Variants in PEX5 observed in about 807,000 individuals in gnomAD.
PEX5 encodes peroxisomal biogenesis factor 5.
Under a neutral mutation model 82.9 loss-of-function variants are expected in PEX5, and 52 were observed. The ratio of observed to expected loss-of-function variants is 0.63; its 90% CI spans 0.50 to 0.79. The LOEUF is 0.79. Among genes scored for constraint, PEX5 ranks in the 30% least tolerant of loss-of-function variants. The pLI is 0.00. For synonymous variants in PEX5, 300 were observed against 318.8 expected, an observed-to-expected ratio of 0.94 and a Z score of 0.63; for missense variants, 719 against 815.2, an observed-to-expected ratio of 0.88 and a Z score of 1.44.
At chr12:7,198,957 T>C in intron 5 of PEX5, 54 bp from the exon 6 acceptor site, 1 of 998,394 alleles carries the variant, frequency 1.0e-6, no homozygotes, top group Non-Finnish European at 1.6e-6. Context: ...TCCCTTTCCT[T>C]GATCCCACAC....
downstream of PEX5, among the ~76,000 whole-genome samples, chr12:7,212,387 G>A (rs987468959): frequency 6.9e-6 from 1 of 145,018 alleles, no homozygotes; most frequent in African/African-American, 2.6e-5. Flanking sequence ...GCCTCCCAAA[G>A]TTCTGGGATC....
intron 1 of PEX5, 192 bp downstream of exon 1, chr12:7,189,942 C>T: frequency 6.7e-7 from 1 of 1,486,920 alleles, no homozygotes; most frequent in Non-Finnish European, 8.8e-7. Flanking sequence ...GAATGCTCCT[C>T]TGCCGTGCTC....
In PEX5 at chr12:7,209,822, T is replaced by TCAAC. The variant is rs1460904812; in HGVS notation, c.1702_1705dup (p.Leu569GlnfsTer28). The TCAAC allele has an allele frequency of 6.2e-7, 1 of 1,614,220 alleles. No homozygotes were observed. The highest frequency in any genetic ancestry group is 1.7e-5 in the Admixed American group (1 of 60,026). Reference sequence around the variant, plus strand: ...CGCTATAACCTGGGCATCAGCTGCATCAACCTCGGGGCTCACCGGTGAGAG... The same window carrying TCAAC: ...CGCTATAACCTGGGCATCAGCTGCATCAACCAACCTCGGGGCTCACCGGTGAGAG... On this transcript the variant is annotated frameshift_variant, in exon 15 of 16. Transcript: ENST00000675855. LOFTEE classifies it high-confidence loss of function.
chr12:7,200,759 G>A (rs926193424), intron 6 of PEX5, among the ~76,000 whole-genome samples: 12 of 151,958 alleles, frequency 7.9e-5, no homozygotes, highest in Non-Finnish European at 1.5e-4. Context: ...GCATGGCGGC[G>A]CGTGCCTGCA....
intron 5 of PEX5, among the ~76,000 whole-genome samples, chr12:7,192,013 G>A (rs1941235769): frequency 6.6e-6 from 1 of 152,202 alleles, no homozygotes; most frequent in South Asian, 2.1e-4. Flanking sequence ...CCGAGGAAGA[G>A]AGTATTCACT....
chr12:7,201,968 A>G (rs898693482), intron 7 of PEX5, 127 bp downstream of exon 7: 10 of 781,854 alleles, frequency 1.3e-5, no homozygotes, highest in South Asian at 1.5e-5. Context: ...GTTCCTGTCT[A>G]TAGAACAGAG....
In PEX5 at chr12:7,191,104, G is replaced by A; in HGVS notation, c.184-122G>A. 3 of 1,228,266 alleles carry A rather than the reference G, an allele frequency of 2.4e-6. No individual in the cohort carries two copies. In the South Asian group the frequency reaches 3.6e-5, roughly 15 times the overall value. The allele number at this position is 1,228,266 out of a possible 1,614,324, so 76.1% of individuals were successfully genotyped here. On this transcript the variant is annotated intron_variant, in intron 3 of 15. Coordinates refer to ENST00000675855, the MANE Select transcript of PEX5 (RefSeq NM_001351132.2). ...ATGGAAAGACAGTTTCTCTTTATGT[G>A]TCTCCAGTTTCTGTGTTTTCCTTTC... is the stretch of plus-strand genomic sequence containing the variant.
intron 14 of PEX5, 22 bp from the exon 15 acceptor site, chr12:7,209,661 C>G (rs752408298): frequency 8.9e-7 from 1 of 1,125,102 alleles, no homozygotes; most frequent in Non-Finnish European, 1.1e-6. Flanking sequence ...CTGTTCCCAT[C>G]CGTTCTGCAT....
At chr12:7,193,276 C>T (rs1009806358) in intron 5 of PEX5, among the ~76,000 whole-genome samples, 1 of 148,534 alleles carries the variant, frequency 6.7e-6, no homozygotes, top group Non-Finnish European at 1.5e-5. Flanking sequence ...TGCTCTCACC[C>T]AGGGTGGAGT....
At chr12:7,191,065 G>A (rs750152079) in intron 3 of PEX5, 142 bp downstream of exon 3, 6 of 1,193,574 alleles carry the variant, frequency 5.0e-6, no homozygotes, top group South Asian at 4.9e-5. Flanking sequence ...GTATTTTTTC[G>A]TCCTTCTAAA....
In PEX5 at chr12:7,211,155, A is replaced by T. The variant is rs1329909340; in HGVS notation, c.*932A>T. ...AGCAAATAGGTTCAGTGTTACCATA[A>T]GCCTTTGCTGTACTTCTTGAAATGT... On this transcript the variant is annotated 3_prime_UTR_variant, in exon 16 of 16. Transcript: ENST00000675855. 2 of 152,692 alleles carry T rather than the reference A, an allele frequency of 1.3e-5. No homozygotes were observed. The highest frequency in any genetic ancestry group is 2.9e-5 in the Non-Finnish European group (2 of 68,086). 9.5% of individuals were successfully genotyped at this position (152,692 alleles called of 1,614,324 possible).
Position 7,207,639 on chromosome 12 carries a change from C to G in PEX5, c.967-20C>G. On this transcript the variant is annotated intron_variant, in intron 10 of 15. Coordinates refer to ENST00000675855, the MANE Select transcript of PEX5 (RefSeq NM_001351132.2). Reference sequence around the variant, plus strand: ...GACGGTGCCACCTCTCAGTCCATCTCTCACGTGCTTTTCTTGTAGGGGTAC... The same window carrying G: ...GACGGTGCCACCTCTCAGTCCATCTGTCACGTGCTTTTCTTGTAGGGGTAC... The G allele has an allele frequency of 6.2e-7, 1 of 1,613,798 alleles. No homozygotes were observed. The highest frequency in any genetic ancestry group is 2.2e-5 in the East Asian group (1 of 44,882).
Position 7,210,084 on chromosome 12 carries a change from G to A in PEX5, c.1781G>A (p.Gly594Asp), listed in dbSNP as rs781153850. The A allele has an allele frequency of 2.5e-5, 40 of 1,614,136 alleles. No homozygotes were observed. The South Asian group carries it at 3.1e-4, about 12-fold the overall frequency. Residue 594 changes from glycine to aspartate, a missense_variant, in exon 16 of 16, where the codon GGT (glycine) becomes GAT (aspartate). Physicochemically the swap from Gly to Asp is moderately conservative, Grantham distance 94. Coordinates refer to ENST00000675855, the MANE Select transcript of PEX5 (RefSeq NM_001351132.2). ...NMQRKSRGPRGEGGAMSENIW... is the reference protein window; with the variant it reads ...NMQRKSRGPRDEGGAMSENIW... ...CAGAGGAAAAGCCGGGGCCCCCGGG[G>A]TGAAGGAGGTGCCATGTCGGAGAAC...
intron 7 of PEX5, 37 bp from the exon 8 acceptor site, chr12:7,202,204 C>T: frequency 6.2e-7 from 1 of 1,613,602 alleles, no homozygotes; most frequent in Non-Finnish European, 8.5e-7. Context: ...CCTGGAAGTC[C>T]TTTCCCAAGT....
Position 7,210,134 on chromosome 12 carries a change from T to G in PEX5, c.1831T>G (p.Leu611Val), listed in dbSNP as rs200266963. ...CATCTGGAGCACCCTGCGTTTGGCA[T>G]TGTCTATGTTAGGCCAGAGCGATGC... ...ENIWSTLRLALSMLGQSDAYG... is the reference protein window; with the variant it reads ...ENIWSTLRLAVSMLGQSDAYG... The change falls in exon 16 of 16, where the codon TTG becomes GTG. Residue 611 changes from leucine to valine, a missense_variant. Physicochemically the swap from Leu to Val is conservative, Grantham distance 32. Coordinates refer to ENST00000675855, the MANE Select transcript of PEX5 (RefSeq NM_001351132.2). 1.1e-5 allele frequency: 17 copies of G among 1,614,046 alleles called. No homozygotes were observed. Among genetic ancestry groups the G allele is most frequent in the Non-Finnish European group, 1.4e-5 (17 of 1,180,012 alleles).
intron 9 of PEX5, 63 bp from the exon 10 acceptor site, chr12:7,203,369 T>G (rs1944379558): frequency 1.3e-6 from 2 of 1,552,172 alleles, no homozygotes; most frequent in African/African-American, 1.4e-5. Flanking sequence ...CCAGCAGAGC[T>G]GAGTGTGGGG....
chr12:7,200,193 G>C (rs1943589970), intron 6 of PEX5, among the ~76,000 whole-genome samples: 1 of 147,696 alleles, frequency 6.8e-6, no homozygotes, highest in African/African-American at 2.5e-5. Context: ...GGGCAGAGAC[G>C]CTCCTCACCT....
At chr12:7,190,235 G>C in intron 1 of PEX5, 127 bp from the exon 2 acceptor site, 1 of 1,589,374 alleles carries the variant, frequency 6.3e-7, no homozygotes, top group Non-Finnish European at 8.5e-7. Context: ...CGCAGCAAAA[G>C]CACTGGGGTG....
In PEX5 at chr12:7,210,049, C is replaced by T. The variant is rs1565723752; in HGVS notation, c.1746C>T (p.Ala582=). The T allele has an allele frequency of 1.2e-6, 2 of 1,614,238 alleles. No homozygotes were observed. The highest frequency in any genetic ancestry group is 1.1e-5 in the South Asian group (1 of 91,086). The part of the protein sequence containing the change: ...HREAVEHFLE[A]LNMQRKSRGP... The stretch of plus-strand genomic sequence containing the variant: ...AGGCTGTGGAGCACTTTCTGGAGGC[C>T]CTGAACATGCAGAGGAAAAGCCGGG... The change falls in exon 16 of 16, where the codon GCC becomes GCT. Residue 582 remains alanine (A), a synonymous_variant. Transcript: ENST00000675855.
Sources: gnomAD v4.1 joint callset for allele counts (sites outside exome capture counted in the v4.1 genomes callset) on GRCh38, gnomAD v4.1.1 for gene constraint, MANE v1.5 for transcripts, NCBI Gene and HGNC (gene_info 2026-07-23, HGNC 2026-07-21) for gene names.